The following PKD1L3 variants were observed in gnomAD, a reference collection of about 807,000 sequenced individuals.
PKD1L3 encodes polycystin 1 like 3, transient receptor potential channel interacting.
Under a neutral mutation model 184.1 loss-of-function variants are expected in PKD1L3, and 239 were observed. That is an observed-to-expected ratio of 1.30 (90% CI 1.17 to 1.45). The LOEUF (loss-of-function observed/expected upper bound fraction) is 1.45, where lower values mean the gene tolerates loss of function less well. Ranked by LOEUF, PKD1L3 falls within the 40% of genes most tolerant of loss-of-function variation. PKD1L3 has a pLI of 0.00. For missense variants in PKD1L3, 2,660 were observed against 2,067.2 expected (o/e 1.29, Z -5.56); for synonymous variants, 996 against 778.8 (o/e 1.28, Z -4.64).
At chr16:71,964,280 G>A (rs1353756666) in intron 15 of PKD1L3, among the ~76,000 whole-genome samples, 1 of 125,470 alleles carries the variant, frequency 8.0e-6, no homozygotes, top group Non-Finnish European at 1.6e-5. Flanking sequence ...TGTTTGTCAT[G>A]AAACCACTTA....
intron 4 of PKD1L3, among the ~76,000 whole-genome samples, chr16:71,988,893 A>G (rs2040481393): frequency 6.6e-6 from 1 of 152,210 alleles, no homozygotes; most frequent in South Asian, 2.1e-4. Context: ...GATAAGCGTT[A>G]TCTTAACAAG....
chr16:71,950,434 G>A, intron 19 of PKD1L3, 124 bp from the exon 20 acceptor site: 1 of 819,250 alleles, frequency 1.2e-6, no homozygotes, highest in Non-Finnish European at 1.9e-6. Flanking sequence ...GCAGAGATTG[G>A]ACCGTACCCC....
chr16:71,933,546 T>C, intron 27 of PKD1L3, 25 bp from the exon 28 acceptor site: 1 of 1,476,842 alleles, frequency 6.8e-7, no homozygotes, highest in Middle Eastern at 1.7e-4. Flanking sequence ...AAAGGCCAGT[T>C]AGTGCAAGCC....
At chr16:71,930,208 C>T (rs1199046448) in intron 28 of PKD1L3, 25 bp from the exon 29 acceptor site, 61 of 1,522,338 alleles carry the variant, frequency 4.0e-5, no homozygotes, top group Non-Finnish European at 3.0e-5. Context: ...AGAACACTTG[C>T]AGTGACTGAC....
intron 22 of PKD1L3, among the ~76,000 whole-genome samples, chr16:71,945,606 A>G (rs1250776217): frequency 6.6e-6 from 1 of 151,634 alleles, no homozygotes; most frequent in East Asian, 1.9e-4. Flanking sequence ...TGAATCTGGG[A>G]GGCAGAGGTT....
intron 2 of PKD1L3, among the ~76,000 whole-genome samples, chr16:71,995,252 G>C (rs976621216): frequency 6.2e-5 from 9 of 144,892 alleles, no homozygotes; most frequent in South Asian, 2.1e-4. Context: ...CAAGGGAGGA[G>C]CCCTGTAGGC....
intron 4 of PKD1L3, 88 bp from the exon 5 acceptor site, chr16:71,986,557 C>T (rs2040374143): frequency 1.4e-6 from 2 of 1,400,692 alleles, no homozygotes; most frequent in South Asian, 1.5e-5. Context: ...TACTCTGAAA[C>T]TCTGTCCTAT....
chr16:71,950,534 C>T (rs1278897336), intron 19 of PKD1L3, among the ~76,000 whole-genome samples: 1 of 152,012 alleles, frequency 6.6e-6, no homozygotes, highest in Non-Finnish European at 1.5e-5. Flanking sequence ...ACTTTTAAAA[C>T]CTTATTGAGT....
At chr16:71,957,943 T>G (rs992594785) in intron 16 of PKD1L3, among the ~76,000 whole-genome samples, 2 of 152,214 alleles carry the variant, frequency 1.3e-5, no homozygotes, top group African/African-American at 4.8e-5. Flanking sequence ...AGTGGAAGTG[T>G]TGCTAGCCAG....
At chr16:71,990,935 A>G (rs1227183689) in intron 3 of PKD1L3, among the ~76,000 whole-genome samples, 1 of 152,182 alleles carries the variant, frequency 6.6e-6, no homozygotes, top group Non-Finnish European at 1.5e-5. Context: ...AGAACGAAAA[A>G]GGTTATTTCC....
At chr16:71,991,232 TG>T in intron 3 of PKD1L3, 1 of 227,908 alleles carries the variant, frequency 4.4e-6, no homozygotes, top group South Asian at 7.8e-5. Flanking sequence ...CCGAATCCAC[TG>T]GGGAATAAAA....
intron 16 of PKD1L3, among the ~76,000 whole-genome samples, chr16:71,960,667 T>A (rs12927381): frequency 0.47 from 71,261 of 152,018 alleles, 17,410 homozygotes; most frequent in Middle Eastern, 0.57. Flanking sequence ...ACTCACAGTC[T>A]TTCCTCTATT....
At chr16:71,941,269 G>A (rs1203806236) in intron 24 of PKD1L3, among the ~76,000 whole-genome samples, 1 of 151,784 alleles carries the variant, frequency 6.6e-6, no homozygotes, top group Non-Finnish European at 1.5e-5. Context: ...AATATCCTCA[G>A]AGTTAAGAGG....
chr16:71,992,432 C>T lies in PKD1L3; in HGVS notation c.535+784G>A, dbSNP rs552585309. ...GGTAATAATGGAAGCATTGCTCTCA[C>T]TAAACTCACATTGCGGGACACAGCT... On this transcript the variant is annotated intron_variant, in intron 3 of 29. Coordinates refer to ENST00000620267, the MANE Select transcript of PKD1L3 (RefSeq NM_181536.2). Among the ~76,000 whole-genome samples, 4 of 152,344 alleles carry T rather than the reference C, an allele frequency of 2.6e-5. No homozygotes were observed. In the South Asian group the frequency reaches 8.3e-4, roughly 32 times the overall value.
intron 24 of PKD1L3, among the ~76,000 whole-genome samples, chr16:71,941,736 C>A (rs548284032): frequency 6.6e-6 from 1 of 151,824 alleles, no homozygotes; most frequent in African/African-American, 2.4e-5. Flanking sequence ...AGGCGCGAGC[C>A]ACCATGCCTG....
intron 16 of PKD1L3, among the ~76,000 whole-genome samples, chr16:71,957,775 G>T (rs1230970856): frequency 6.6e-6 from 1 of 152,128 alleles, no homozygotes; most frequent in Non-Finnish European, 1.5e-5. Context: ...ATGGAAGAAG[G>T]TATTCCATGT....
At chr16:71,942,145 T>C (rs983269779) in intron 24 of PKD1L3, among the ~76,000 whole-genome samples, 2 of 151,760 alleles carry the variant, frequency 1.3e-5, no homozygotes, top group South Asian at 2.1e-4. Context: ...CGAAACCCCA[T>C]AAAATATGTA....
At chr16:71,961,685 A>C (rs1022297835) in intron 16 of PKD1L3, among the ~76,000 whole-genome samples, 2 of 152,160 alleles carry the variant, frequency 1.3e-5, no homozygotes, top group African/African-American at 4.8e-5. Context: ...GATGAGTAAC[A>C]GACCCAGCCA....
In PKD1L3 at chr16:71,986,272, C is replaced by A; in HGVS notation, c.783G>T (p.Pro261=). The change falls in exon 5 of 30, where the codon CCG becomes CCT. Residue 261 remains proline (P), a synonymous_variant. Transcript: ENST00000620267. ...CTTGTAGATAAGAGGTGAAGGTATT[C>A]GGATGACCTTCTTCCTTTGGGCTTG... ...TTSSPKEEGH[P]NTFTSYLQVS... 1 of 1,552,226 alleles carries A rather than the reference C, an allele frequency of 6.4e-7. No individual in the cohort carries two copies. Among genetic ancestry groups the A allele is most frequent in the Non-Finnish European group, 8.7e-7 (1 of 1,147,106 alleles).
Sources: allele counts gnomAD v4.1 joint callset (sites outside exome capture counted in the v4.1 genomes callset), GRCh38; gene constraint gnomAD v4.1.1; transcripts MANE v1.5; gene names NCBI Gene and HGNC (gene_info 2026-07-23, HGNC 2026-07-21).